CPVL: variants seen among roughly 807,000 people sequenced by gnomAD.
CPVL encodes carboxypeptidase vitellogenic like.
Under a neutral mutation model 63.7 loss-of-function variants are expected in CPVL, and 51 were observed. The ratio of observed to expected loss-of-function variants is 0.80; its 90% CI spans 0.64 to 1.01. The LOEUF (loss-of-function observed/expected upper bound fraction) is 1.01, where lower values mean the gene tolerates loss of function less well. Among genes scored for constraint, CPVL ranks in the 50% least tolerant of loss-of-function variants. The pLI is 0.00. For missense variants in CPVL, 530 were observed against 573.1 expected, an observed-to-expected ratio of 0.92 and a Z score of 0.77; for synonymous variants, 195 against 206.0, an observed-to-expected ratio of 0.95 and a Z score of 0.46.
At chr7:29,040,330 A>C (rs536138318) in intron 11 of CPVL, among the ~76,000 whole-genome samples, 183 of 152,350 alleles carry the variant, frequency 1.2e-3, no homozygotes, top group African/African-American at 4.3e-3. Flanking sequence ...GTTTCCCAAA[A>C]GCTCAGCTGC....
At chr7:29,103,347 G>A (rs1047969480) in intron 3 of CPVL, among the ~76,000 whole-genome samples, 1 of 149,624 alleles carries the variant, frequency 6.7e-6, no homozygotes, top group African/African-American at 2.5e-5. Flanking sequence ...CCAGGTTCAA[G>A]TGATTATCCT....
intron 5 of CPVL, among the ~76,000 whole-genome samples, chr7:29,157,042 G>A (rs1794474498): frequency 6.6e-6 from 1 of 152,196 alleles, no homozygotes; most frequent in South Asian, 2.1e-4. Flanking sequence ...AATCTCGTCT[G>A]TGGAAAGGAA....
intron 4 of CPVL, among the ~76,000 whole-genome samples, chr7:29,095,427 C>T (rs982645162): frequency 1.3e-5 from 2 of 152,064 alleles, no homozygotes; most frequent in East Asian, 3.9e-4. Flanking sequence ...AAAAAACACC[C>T]ACCAACCACC....
chr7:29,143,538 T>C (rs1218858479), intron 1 of CPVL, among the ~76,000 whole-genome samples: 4 of 152,064 alleles, frequency 2.6e-5, no homozygotes, highest in Non-Finnish European at 4.4e-5. Flanking sequence ...CCAAGAATCA[T>C]ACAGTACAAA....
chr7:29,160,095 G>A (rs1041214238), intron 5 of CPVL, among the ~76,000 whole-genome samples: 1 of 152,134 alleles, frequency 6.6e-6, no homozygotes, highest in African/African-American at 2.4e-5. Context: ...CTGGCTCTCT[G>A]ATAAAGAAAG....
At chr7:29,026,428 A>C (rs2128148575) in intron 12 of CPVL, among the ~76,000 whole-genome samples, 1 of 152,212 alleles carries the variant, frequency 6.6e-6, no homozygotes, top group East Asian at 1.9e-4. Flanking sequence ...AAGCAAGAAC[A>C]AACCAAACCC....
At chr7:29,167,206 T>C (rs1796028835) in intron 5 of CPVL, among the ~76,000 whole-genome samples, 1 of 152,226 alleles carries the variant, frequency 6.6e-6, no homozygotes, top group Non-Finnish European at 1.5e-5. Context: ...TTATTTTTGC[T>C]TAAGTATGTA....
intron 11 of CPVL, among the ~76,000 whole-genome samples, chr7:29,057,969 C>T (rs1243973095): frequency 1.3e-5 from 2 of 152,114 alleles, no homozygotes; most frequent in Non-Finnish European, 1.5e-5. Flanking sequence ...AATCTTCTGA[C>T]TTTATTCCTC....
At chr7:29,005,232 T>C (rs1448257110) in intron 12 of CPVL, among the ~76,000 whole-genome samples, 2 of 152,102 alleles carry the variant, frequency 1.3e-5, no homozygotes, top group Non-Finnish European at 2.9e-5. Flanking sequence ...TGCCAGTGTA[T>C]TACAAAGATA....
intron 1 of CPVL, among the ~76,000 whole-genome samples, chr7:29,145,366 G>C (rs1292041655): frequency 6.6e-6 from 1 of 152,000 alleles, no homozygotes; most frequent in Non-Finnish European, 1.5e-5. Context: ...TGAGGCTGTG[G>C]AAGATAAGTT....
chr7:29,062,266 G>A (rs1355561479), intron 11 of CPVL, among the ~76,000 whole-genome samples: 1 of 152,130 alleles, frequency 6.6e-6, no homozygotes, highest in African/African-American at 2.4e-5. Flanking sequence ...GTTAGAGTGT[G>A]CCATGTACAC....
chr7:29,048,695 C>T (rs1437949694), intron 11 of CPVL, among the ~76,000 whole-genome samples: 1 of 152,084 alleles, frequency 6.6e-6, no homozygotes, highest in Non-Finnish European at 1.5e-5. Context: ...ATATACAGAA[C>T]ATTTCGTCCA....
At chr7:29,018,512 G>GGGAT (rs958954229) in intron 12 of CPVL, among the ~76,000 whole-genome samples, 25 of 151,678 alleles carry the variant, frequency 1.6e-4, no homozygotes, top group African/African-American at 5.3e-4. Flanking sequence ...CCGAGTAGCT[G>GGGAT]GGATTACAGG....
intron 3 of CPVL, among the ~76,000 whole-genome samples, chr7:29,110,414 A>G (rs1456045158): frequency 1.3e-5 from 2 of 152,188 alleles, no homozygotes; most frequent in African/African-American, 2.4e-5. Context: ...TTCTGGTAAA[A>G]GGCGTGTTGG....
intron 2 of CPVL, among the ~76,000 whole-genome samples, chr7:29,114,162 AC>A (rs1788535862): frequency 1.3e-5 from 2 of 152,236 alleles, no homozygotes; most frequent in African/African-American, 4.8e-5. Flanking sequence ...AATAGATGCT[AC>A]AAGTCAGGGT....
intron 1 of CPVL, chr7:29,126,482 C>T (rs1439558888): frequency 1.3e-5 from 2 of 152,186 alleles, no homozygotes; most frequent in East Asian, 1.9e-4. Context: ...CCAGTTCTCC[C>T]CTACCTGATC....
At position 28,995,748 on chromosome 7, in the gene CPVL, G is replaced by T; in HGVS notation, c.*24C>A. 7.5e-7 allele frequency: 1 copy of T among 1,340,648 alleles called. No homozygotes were observed. Among genetic ancestry groups the T allele is most frequent in the South Asian group, 1.3e-5 (1 of 78,534 alleles). 83.0% of individuals were successfully genotyped at this position (1,340,648 alleles called of 1,614,324 possible). A position where few individuals can be genotyped will look rare whatever the true frequency, so the allele number is the denominator to read the frequency against. On this transcript the variant is annotated 3_prime_UTR_variant, in exon 13 of 13. Transcript: ENST00000265394. ...TTTCTTTTCAGCAATGAAAACCTCT[G>T]ATGTTCTCTTTTGGGAAGGTAGTTT...
At chr7:29,104,017 T>C (rs1787473267) in intron 3 of CPVL, among the ~76,000 whole-genome samples, 1 of 152,226 alleles carries the variant, frequency 6.6e-6, no homozygotes, top group Non-Finnish European at 1.5e-5. Context: ...ACACTAATGG[T>C]ATTAATCAAG....
intron 5 of CPVL, among the ~76,000 whole-genome samples, chr7:29,174,799 G>A (rs1797060083): frequency 6.6e-6 from 1 of 151,282 alleles, no homozygotes; most frequent in Non-Finnish European, 1.5e-5. Context: ...GGTGGAGGTT[G>A]CAGTGAGCCA....
Sources: gnomAD v4.1 joint callset for allele counts (sites outside exome capture counted in the v4.1 genomes callset) on GRCh38, gnomAD v4.1.1 for gene constraint, MANE v1.5 for transcripts, NCBI Gene and HGNC (gene_info 2026-07-23, HGNC 2026-07-21) for gene names.